The following MYLK4 variants were observed in gnomAD, a reference collection of about 807,000 sequenced individuals.
MYLK4 encodes caMLCK like.
MYLK4 carries 46 observed loss-of-function variants against 48.1 expected under a neutral mutation model. The observed-to-expected ratio is 0.96, with a 90% CI of 0.75 to 1.22. MYLK4 has a LOEUF of 1.22. Ranked by LOEUF, MYLK4 falls within the 50% of genes most tolerant of loss-of-function variation. MYLK4 has a pLI of 0.00. For synonymous variants in MYLK4, 170 were observed against 180.8 expected, an observed-to-expected ratio of 0.94 and a Z score of 0.48; for missense variants, 451 against 486.1, an observed-to-expected ratio of 0.93 and a Z score of 0.68.
chr6:2,677,836 C>T (rs943895760), intron 10 of MYLK4, among the ~76,000 whole-genome samples: 2 of 152,150 alleles, frequency 1.3e-5, no homozygotes, highest in African/African-American at 2.4e-5. Flanking sequence ...CATGATCTGG[C>T]CCACAGTAGT....
chr6:2,724,436 A>T (rs1312510737), intron 2 of MYLK4, among the ~76,000 whole-genome samples: 1 of 152,212 alleles, frequency 6.6e-6, no homozygotes, highest in African/African-American at 2.4e-5. Flanking sequence ...GAAATCAATC[A>T]CTAACGCAGG....
At chr6:2,678,397 A>G in intron 9 of MYLK4, 25 bp from the exon 10 acceptor site, 1 of 1,610,774 alleles carries the variant, frequency 6.2e-7, no homozygotes, top group Non-Finnish European at 8.5e-7. Flanking sequence ...GTCCAGAGTG[A>G]GTATTTTTTA....
chr6:2,766,515 C>G, the MYLK4 span: 1 of 1,429,824 alleles, frequency 7.0e-7, no homozygotes, highest in East Asian at 2.6e-5. Flanking sequence ...GTCGGAGAGC[C>G]GGGTGTGCTG....
chr6:2,744,062 C>T (rs181138136), intron 2 of MYLK4: 50 of 399,012 alleles, frequency 1.3e-4, no homozygotes, highest in African/African-American at 8.4e-4. Flanking sequence ...GTGGATGTTG[C>T]TTGGCTTATA....
intron 2 of MYLK4, among the ~76,000 whole-genome samples, chr6:2,745,159 T>A (rs1764037815): frequency 6.6e-6 from 1 of 152,138 alleles, no homozygotes; most frequent in Non-Finnish European, 1.5e-5. Context: ...AATGGTTGGC[T>A]GAGAATATCA....
In MYLK4 at chr6:2,685,481, A is replaced by G. The variant is rs1761499254; in HGVS notation, c.435+2T>C. On this transcript the variant is annotated splice_donor_variant, in intron 5 of 12. Transcript: ENST00000274643. LOFTEE classifies it high-confidence loss of function. This position sits in a 1 kb window ranked among gnomAD's most constrained non-coding sequence, Gnocchi z 4.5. ...GAGGGGACCACCTCCCACAGGCTGT[A>G]CCTTGTCCTTCATGCCTCTGGTCTT... 1 of 1,614,026 alleles carries G rather than the reference A, an allele frequency of 6.2e-7. No individual in the cohort carries two copies. The highest frequency in any genetic ancestry group is 1.6e-4 in the Middle Eastern group (1 of 6,062).
intron 2 of MYLK4, among the ~76,000 whole-genome samples, chr6:2,709,087 C>T (rs1184500164): frequency 6.6e-6 from 1 of 152,218 alleles, no homozygotes; most frequent in East Asian, 1.9e-4. Flanking sequence ...TCATAACCCT[C>T]TATCGGTCAT....
At chr6:2,765,313 T>G in the MYLK4 span, 15 of 198,098 alleles carry the variant, frequency 7.6e-5, no homozygotes, top group East Asian at 2.4e-4. Flanking sequence ...TCGGCGGTGA[T>G]TGGGGCAAAC....
chr6:2,743,003 T>C (rs35293043), intron 2 of MYLK4, among the ~76,000 whole-genome samples: 66,663 of 151,788 alleles, frequency 0.44, 15,439 homozygotes, highest in East Asian at 0.56. Flanking sequence ...TTGGTTCTTC[T>C]GGGGGCATGT....
the MYLK4 span, among the ~76,000 whole-genome samples, chr6:2,764,537 G>A: frequency 6.7e-6 from 1 of 149,942 alleles, no homozygotes; most frequent in South Asian, 2.2e-4. Flanking sequence ...TGAGATACAT[G>A]TTTTAAAACG....
chr6:2,708,828 C>T (rs941818197), intron 2 of MYLK4, among the ~76,000 whole-genome samples: 4 of 152,176 alleles, frequency 2.6e-5, no homozygotes, highest in African/African-American at 9.7e-5. Context: ...GCCTTGAACA[C>T]AGTATCTGAT....
intron 2 of MYLK4, among the ~76,000 whole-genome samples, chr6:2,742,993 T>C (rs887710450): frequency 6.6e-6 from 1 of 152,074 alleles, no homozygotes; most frequent in African/African-American, 2.4e-5. Flanking sequence ...GGAATGAAAA[T>C]TGGTTCTTCT....
the MYLK4 span, chr6:2,765,579 G>C: frequency 6.9e-7 from 1 of 1,441,576 alleles, no homozygotes. Context: ...CGTGCGCACG[G>C]GTTGCTGCGG....
At chr6:2,732,190 T>C (rs143956682) in intron 2 of MYLK4, among the ~76,000 whole-genome samples, 1 of 152,230 alleles carries the variant, frequency 6.6e-6, no homozygotes, top group African/African-American at 2.4e-5. Context: ...TCTGGAGTGA[T>C]GGTAACAATA....
intron 2 of MYLK4, among the ~76,000 whole-genome samples, chr6:2,713,646 G>A (rs140499690): frequency 1.3e-5 from 2 of 152,236 alleles, no homozygotes; most frequent in Non-Finnish European, 2.9e-5. Context: ...CTGGTATTAC[G>A]TTAAAGAGAA....
the MYLK4 span, among the ~76,000 whole-genome samples, chr6:2,764,760 T>C: frequency 2.6e-5 from 4 of 152,110 alleles, no homozygotes; most frequent in East Asian, 7.7e-4. Context: ...ATCTCTTGGC[T>C]CGAAGCGCGC....
intron 2 of MYLK4, among the ~76,000 whole-genome samples, chr6:2,721,593 T>C (rs1763072517): frequency 6.6e-6 from 1 of 152,244 alleles, no homozygotes; most frequent in Admixed American, 6.5e-5. Flanking sequence ...CTCAGAGATC[T>C]ACCCCTTCTT....
chr6:2,763,006 G>A, the MYLK4 span, among the ~76,000 whole-genome samples: 27 of 152,184 alleles, frequency 1.8e-4, no homozygotes, highest in Non-Finnish European at 1.9e-4. Context: ...GCAAAAGAAA[G>A]CCAAGCGGGT....
At chr6:2,765,860 C>T in the MYLK4 span, 7 of 1,441,374 alleles carry the variant, frequency 4.9e-6, no homozygotes, top group Middle Eastern at 2.5e-4. Flanking sequence ...GAGCTCGGCG[C>T]TGAAGCAGCC....
Sources: gnomAD v4.1 joint callset for allele counts (sites outside exome capture counted in the v4.1 genomes callset) on GRCh38, gnomAD v4.1.1 for gene constraint, Gnocchi (gnomAD v3.1) non-coding constraint, MANE v1.5 for transcripts, NCBI Gene and HGNC (gene_info 2026-07-23, HGNC 2026-07-21) for gene names.